Variants in CDC16 observed in about 807,000 individuals in gnomAD.
The protein encoded by CDC16 is cell division cycle protein 16 homolog.
CDC16 carries 34 observed loss-of-function variants against 87.0 expected under a neutral mutation model. The observed-to-expected ratio is 0.39, with a 90% CI of 0.30 to 0.52. The LOEUF (loss-of-function observed/expected upper bound fraction) is 0.52. Ranked by LOEUF, CDC16 falls within the 20% of genes least tolerant of loss-of-function variation. The pLI is 0.74. For synonymous variants in CDC16, 263 were observed against 260.6 expected (o/e 1.01, Z -0.09); for missense variants, 653 against 751.9 (o/e 0.87, Z 1.54).
chr13:114,241,891 A>G (rs944254546), intron 5 of CDC16, among the ~76,000 whole-genome samples: 1 of 152,164 alleles, frequency 6.6e-6, no homozygotes, highest in African/African-American at 2.4e-5. Context: ...TGTACAAAAA[A>G]TTTAAAAAAT....
chr13:114,262,352 G>C (rs1404540056), intron 15 of CDC16, among the ~76,000 whole-genome samples: 1 of 152,118 alleles, frequency 6.6e-6, no homozygotes, highest in Non-Finnish European at 1.5e-5. Flanking sequence ...TTCTATTGCA[G>C]GATTTCTTTG....
chr13:114,271,308 G>A (rs944394222), intron 17 of CDC16, among the ~76,000 whole-genome samples: 2 of 152,276 alleles, frequency 1.3e-5, no homozygotes, highest in East Asian at 3.9e-4. Flanking sequence ...CTATTGGTTT[G>A]AACTGTGTAA....
intron 6 of CDC16, 140 bp downstream of exon 6, chr13:114,242,420 T>C (rs1594568772): frequency 1.4e-6 from 1 of 740,548 alleles, no homozygotes; most frequent in African/African-American, 1.8e-5. Context: ...TGTCTTCAAA[T>C]GTAAAGCACG....
chr13:114,239,109 A>C, intron 4 of CDC16, 81 bp downstream of exon 4: 1 of 1,547,684 alleles, frequency 6.5e-7, no homozygotes, highest in Non-Finnish European at 8.8e-7. Context: ...TGAGAATTTT[A>C]GTGATGGAGC....
Position 114,272,301 on chromosome 13 carries a change from C to T in CDC16, c.1721C>T (p.Thr574Ile). 1 of 1,614,238 alleles carries T rather than the reference C, an allele frequency of 6.2e-7. No individual in the cohort carries two copies. The highest frequency in any genetic ancestry group is 8.5e-7 in the Non-Finnish European group (1 of 1,180,014). ...DFREFEVEKQ[T>I]AEETGLTPLE... ...AGGGAATTTGAAGTAGAAAAACAGA[C>T]TGCAGAAGAAACGGGGCTTACGCCA... Residue 574 changes from threonine (T) to isoleucine (I), a missense_variant, in exon 18 of 18, where the codon ACT becomes ATT. Thr to Ile is a moderately conservative substitution (Grantham distance 89). Coordinates refer to ENST00000356221, the MANE Select transcript of CDC16 (RefSeq NM_001078645.3).
At position 114,243,825 on chromosome 13, in the gene CDC16, G is replaced by A. The variant is rs368309403; in HGVS notation, c.634-31G>A. 107 of 1,574,638 alleles carry A rather than the reference G, an allele frequency of 6.8e-5. No individual in the cohort carries two copies. The Middle Eastern group carries it at 1.7e-3, about 24-fold the overall frequency. On this transcript the variant is annotated intron_variant, in intron 7 of 17. Coordinates refer to ENST00000356221, the MANE Select transcript of CDC16 (RefSeq NM_001078645.3). ...ACATTTTATTTTGTTTTTGCTCATT[G>A]AGTTTATGTTTACATTTCTATGTGT...
chr13:114,263,491 C>T (rs932107855), intron 16 of CDC16, among the ~76,000 whole-genome samples: 5 of 152,196 alleles, frequency 3.3e-5, no homozygotes, highest in South Asian at 2.1e-4. Context: ...GCCAATTAAA[C>T]TTTAACATAA....
At chr13:114,252,403 T>G (rs953198888) in intron 12 of CDC16, among the ~76,000 whole-genome samples, 2 of 152,230 alleles carry the variant, frequency 1.3e-5, no homozygotes, top group African/African-American at 4.8e-5. Context: ...AGGGATTTAA[T>G]GTATGAATTT....
intron 4 of CDC16, 111 bp from the exon 5 acceptor site, chr13:114,239,239 C>A: frequency 1.4e-6 from 2 of 1,471,472 alleles, no homozygotes; most frequent in Non-Finnish European, 1.8e-6. Flanking sequence ...CTACTTTAGA[C>A]ATTTCACATT....
intron 16 of CDC16, 60 bp from the exon 17 acceptor site, chr13:114,265,090 G>C: frequency 8.4e-7 from 1 of 1,190,102 alleles, no homozygotes; most frequent in Non-Finnish European, 1.3e-6. Flanking sequence ...AAATGAATCA[G>C]TGTGGTAAGA....
chr13:114,256,308 TC>T (rs1481863934), intron 12 of CDC16, among the ~76,000 whole-genome samples: 2 of 152,210 alleles, frequency 1.3e-5, no homozygotes, highest in Non-Finnish European at 1.5e-5. Context: ...TGAAAGTACT[TC>T]TACCAGGTGT....
At chr13:114,250,769 C>T in intron 12 of CDC16, 95 bp downstream of exon 12, 1 of 1,218,328 alleles carries the variant, frequency 8.2e-7, no homozygotes, top group Non-Finnish European at 1.2e-6. Context: ...GGTTGCTAAA[C>T]TAAACACAAA....
At chr13:114,247,127 C>G (rs1220315286) in intron 11 of CDC16, 123 bp downstream of exon 11, 1 of 615,224 alleles carries the variant, frequency 1.6e-6, no homozygotes. Flanking sequence ...TTTTTTTTTT[C>G]TTCCTTTCTT....
chr13:114,239,359 A>G lies in CDC16; in HGVS notation c.250A>G (p.Lys84Glu). The G allele has an allele frequency of 1.9e-6, 3 of 1,606,304 alleles. No individual in the cohort carries two copies. Among genetic ancestry groups the G allele is most frequent in the East Asian group, 4.5e-5 (2 of 44,696 alleles). ...TCTGTTTTCCACGTAGTATGCTGCA[A>G]AAGAGCACCAGCAGGCCCTTGATGT... Reference protein sequence around the residue: ...YLAARCHYAAKEHQQALDVLD... With the variant: ...YLAARCHYAAEEHQQALDVLD... Residue 84 changes from lysine (K) to glutamate (E), a missense_variant, in exon 5 of 18, where the codon AAA (lysine) becomes GAA (glutamate). Physicochemically the swap from Lys to Glu is moderately conservative, Grantham distance 56 (BLOSUM62 1). Coordinates refer to ENST00000356221, the MANE Select transcript of CDC16 (RefSeq NM_001078645.3).
intron 13 of CDC16, among the ~76,000 whole-genome samples, chr13:114,258,217 A>G (rs12429193): frequency 0.011 from 1,695 of 152,344 alleles, 24 homozygotes; most frequent in African/African-American, 0.031. Context: ...TACAGTAATC[A>G]TCAGTATTTG....
chr13:114,247,934 T>A (rs2081961060), intron 11 of CDC16, among the ~76,000 whole-genome samples: 1 of 136,858 alleles, frequency 7.3e-6, no homozygotes, highest in Admixed American at 6.9e-5. Flanking sequence ...TAGAGAATAA[T>A]GTAGTTTGAA....
chr13:114,244,022 A>G (rs776772943), intron 8 of CDC16, 33 bp downstream of exon 8: 7 of 1,539,416 alleles, frequency 4.5e-6, no homozygotes, highest in South Asian at 1.1e-5. Flanking sequence ...CTGTAGGAAC[A>G]TGGAGTTCAC....
chr13:114,261,311 A>T (rs917198580), intron 14 of CDC16, among the ~76,000 whole-genome samples: 2 of 152,018 alleles, frequency 1.3e-5, no homozygotes, highest in African/African-American at 4.8e-5. Flanking sequence ...GAAGGAAACA[A>T]CCCGGTCAGA....
At chr13:114,264,546 G>A (rs928966188) in intron 16 of CDC16, among the ~76,000 whole-genome samples, 12 of 151,618 alleles carry the variant, frequency 7.9e-5, no homozygotes, top group Non-Finnish European at 1.8e-4. Context: ...GTGACAGAGC[G>A]AGACTCTGTC....
Sources: gnomAD v4.1 joint callset for allele counts (sites outside exome capture counted in the v4.1 genomes callset) on GRCh38, gnomAD v4.1.1 for gene constraint, MANE v1.5 for transcripts, NCBI Gene and HGNC (gene_info 2026-07-23, HGNC 2026-07-21) for gene names.